Variants in SRP19 observed in about 807,000 individuals in gnomAD.
SRP19 encodes signal recognition particle 19.
SRP19 carries 11 observed loss-of-function variants against 22.4 expected under a neutral mutation model. That is an observed-to-expected ratio of 0.49 (90% CI 0.31 to 0.81). SRP19 has a LOEUF of 0.81. Among genes scored for constraint, SRP19 ranks in the 40% least tolerant of loss-of-function variants. SRP19 has a pLI of 0.05. For synonymous variants in SRP19, 61 were observed against 57.6 expected (o/e 1.06, Z -0.27); for missense variants, 168 against 175.9 (o/e 0.96, Z 0.25).
intron 1 of SRP19, 127 bp downstream of exon 1, chr5:112,861,544 C>A: frequency 1.0e-6 from 1 of 962,058 alleles, no homozygotes; most frequent in Non-Finnish European, 1.5e-6. Flanking sequence ...TCTGTACGGG[C>A]CCCGCGCCTC....
At chr5:112,879,687 A>G (rs1393006934) in intron 4 of SRP19, among the ~76,000 whole-genome samples, 2 of 152,026 alleles carry the variant, frequency 1.3e-5, no homozygotes, top group Non-Finnish European at 2.9e-5. Flanking sequence ...TGTGTTAGCC[A>G]GGATGGTCTC....
intron 2 of SRP19, among the ~76,000 whole-genome samples, chr5:112,863,473 C>T (rs1430101352): frequency 6.6e-6 from 1 of 152,064 alleles, no homozygotes; most frequent in Non-Finnish European, 1.5e-5. Flanking sequence ...CACTAGATGA[C>T]AGGTCAGCCC....
chr5:112,891,705 A>G, exon 5 of SRP19: 1 of 1,614,144 alleles, frequency 6.2e-7, no homozygotes, highest in Non-Finnish European at 8.5e-7. Flanking sequence ...CAAGCCACAA[A>G]AAGTACAGGG....
At position 112,864,953 on chromosome 5, in the gene SRP19, ATTG is replaced by A. The variant is rs1027564946; in HGVS notation, c.301+226_301+228del. On this transcript the variant is annotated intron_variant, in intron 4 of 4. Transcript: ENST00000505459. ...GACCCACTAAACATTTTTCAAAAAA[ATTG>A]TTGTGTGAACATTTTATAAACCTCT... The A allele has an allele frequency of 1.4e-4, 52 of 374,190 alleles. 1 individual carries two copies. Among genetic ancestry groups the A allele is most frequent in the African/African-American group, 9.9e-4 (48 of 48,406 alleles). The allele number at this position is 374,190 out of a possible 1,614,324, so 23.2% of individuals were successfully genotyped here. A position where few individuals can be genotyped will look rare whatever the true frequency, so the allele number is the denominator to read the frequency against.
chr5:112,863,178 CA>C (rs1767471406), intron 2 of SRP19, among the ~76,000 whole-genome samples: 2 of 152,208 alleles, frequency 1.3e-5, no homozygotes, highest in South Asian at 4.1e-4. Flanking sequence ...CGCATATGCT[CA>C]AAAATACCAG....
At chr5:112,888,573 A>G (rs1192560266) in intron 4 of SRP19, among the ~76,000 whole-genome samples, 1 of 139,328 alleles carries the variant, frequency 7.2e-6, no homozygotes, top group Non-Finnish European at 1.5e-5. Context: ...GCAGGCATGA[A>G]CCACCAGGCC....
chr5:112,888,831 G>T (rs933229486), intron 4 of SRP19, among the ~76,000 whole-genome samples: 12 of 150,704 alleles, frequency 8.0e-5, no homozygotes, highest in African/African-American at 3.0e-4. Flanking sequence ...GACTGACATG[G>T]TTTAGCTGTG....
At chr5:112,896,970 T>G (rs1768699080), downstream of SRP19, 1 of 152,118 alleles carries the variant, frequency 6.6e-6, no homozygotes, top group Non-Finnish European at 1.5e-5. Context: ...TAAATGAAGG[T>G]AAACAGAGGA....
downstream of SRP19, chr5:112,893,650 G>A (rs1187918245): frequency 1.3e-5 from 2 of 152,638 alleles, no homozygotes; most frequent in South Asian, 4.1e-4. Context: ...TAAAGACTCA[G>A]ACTAGCATCT....
intron 2 of SRP19, 53 bp from the exon 3 acceptor site, chr5:112,864,404 G>A: frequency 6.9e-7 from 1 of 1,450,392 alleles, no homozygotes; most frequent in Non-Finnish European, 9.7e-7. Flanking sequence ...CAACACTATG[G>A]CAGTGTCCAC....
exon 5 of SRP19, chr5:112,892,214 G>A (rs965261027): frequency 1.2e-6 from 2 of 1,614,122 alleles, no homozygotes; most frequent in Non-Finnish European, 1.7e-6. Flanking sequence ...GGAGACAGAT[G>A]TTCACGTAAA....
intron 1 of SRP19, among the ~76,000 whole-genome samples, chr5:112,861,784 C>T (rs1007182077): frequency 2.0e-5 from 3 of 152,116 alleles, no homozygotes; most frequent in Non-Finnish European, 4.4e-5. Context: ...TTTTTAATAC[C>T]TCGGACACTT....
intron 4 of SRP19, among the ~76,000 whole-genome samples, chr5:112,889,546 G>A (rs995748236): frequency 4.0e-5 from 6 of 150,514 alleles, no homozygotes; most frequent in South Asian, 2.1e-4. Flanking sequence ...CTTTGCATAT[G>A]TTTGCAATAG....
At chr5:112,866,567 T>C (rs1767613474) in intron 4 of SRP19, among the ~76,000 whole-genome samples, 1 of 151,962 alleles carries the variant, frequency 6.6e-6, no homozygotes, top group Non-Finnish European at 1.5e-5. Context: ...TGGACACAAG[T>C]GATCCTCCTG....
downstream of SRP19, chr5:112,893,507 G>C (rs1399011217): frequency 6.4e-6 from 1 of 155,664 alleles, no homozygotes; most frequent in Non-Finnish European, 1.4e-5. Context: ...TCCATGTTAT[G>C]ATTTTAAGCC....
intron 4 of SRP19, among the ~76,000 whole-genome samples, chr5:112,880,528 C>G (rs1026077643): frequency 1.3e-5 from 2 of 152,208 alleles, no homozygotes; most frequent in African/African-American, 2.4e-5. Flanking sequence ...AATTACTGAA[C>G]CAAGTTCACA....
At chr5:112,885,086 CGT>C (rs1433332869) in intron 4 of SRP19, 2 of 157,302 alleles carry the variant, frequency 1.3e-5, no homozygotes, top group African/African-American at 4.8e-5. Flanking sequence ...TCAGGCTGGC[CGT>C]CAGGGCCTCC....
At chr5:112,892,782 G>A (rs1352665688) in exon 5 of SRP19, 1 of 1,613,940 alleles carries the variant, frequency 6.2e-7, no homozygotes, top group South Asian at 1.1e-5. Context: ...ACTACAGCAG[G>A]CAGCGGGGAA....
intron 4 of SRP19, 168 bp from the exon 5 acceptor site, chr5:112,867,236 C>T: frequency 1.5e-6 from 1 of 675,742 alleles, no homozygotes; most frequent in Non-Finnish European, 2.4e-6. Flanking sequence ...TACATTTCCC[C>T]CGACTTGAGC....
Sources: gnomAD v4.1 joint callset for allele counts (sites outside exome capture counted in the v4.1 genomes callset) on GRCh38, gnomAD v4.1.1 for gene constraint, MANE v1.5 for transcripts, NCBI Gene and HGNC (gene_info 2026-07-23, HGNC 2026-07-21) for gene names.